The following OR6N1 variants were observed in gnomAD, a reference collection of about 807,000 sequenced individuals.
The protein encoded by OR6N1 is olfactory receptor family 6 subfamily N member 1.
For synonymous variants in OR6N1, 170 were observed against 150.7 expected (o/e 1.13, Z -0.94); for missense variants, 394 against 371.7 (o/e 1.06, Z -0.49).
the OR6N1 span, among the ~76,000 whole-genome samples, chr1:158,836,457 G>T: frequency 1.3e-5 from 2 of 151,922 alleles, no homozygotes; most frequent in South Asian, 2.1e-4. Context: ...AAATTTGCAG[G>T]TTGTATGTTT....
chr1:158,824,194 C>G, the OR6N1 span, among the ~76,000 whole-genome samples: 1 of 152,018 alleles, frequency 6.6e-6, no homozygotes, highest in Admixed American at 6.6e-5. Context: ...CCGTGCTGTT[C>G]TCATGATAAT....
chr1:158,767,213 C>T (rs534925900), intron 1 of OR6N1, among the ~76,000 whole-genome samples: 159 of 152,268 alleles, frequency 1.0e-3, no homozygotes, highest in African/African-American at 3.6e-3. Context: ...TCTGCTCCCT[C>T]CTATTCCTTT....
the OR6N1 span, among the ~76,000 whole-genome samples, chr1:158,789,214 G>C: frequency 2.0e-5 from 3 of 152,092 alleles, no homozygotes; most frequent in Admixed American, 2.0e-4. Flanking sequence ...CTCATTGTGT[G>C]TATATGCCAC....
At chr1:158,818,318 T>C in the OR6N1 span, among the ~76,000 whole-genome samples, 1 of 152,200 alleles carries the variant, frequency 6.6e-6, no homozygotes, top group Non-Finnish European at 1.5e-5. Flanking sequence ...GGTATTCTAC[T>C]AACGTTGGCA....
chr1:158,770,325 C>T (rs576438419), intron 1 of OR6N1, among the ~76,000 whole-genome samples: 191 of 152,218 alleles, frequency 1.3e-3, no homozygotes, highest in African/African-American at 4.2e-3. Flanking sequence ...CATCAGGATC[C>T]GATCAAGTAT....
the OR6N1 span, among the ~76,000 whole-genome samples, chr1:158,798,177 T>A: frequency 1.3e-5 from 2 of 151,866 alleles, no homozygotes; most frequent in Non-Finnish European, 2.9e-5. Context: ...GTCAGGAGTT[T>A]ATTTTTATTT....
chr1:158,818,933 C>T, the OR6N1 span, among the ~76,000 whole-genome samples: 1 of 152,116 alleles, frequency 6.6e-6, no homozygotes, highest in South Asian at 2.1e-4. Context: ...AATCCTCCCA[C>T]AAAACTTTTC....
At chr1:158,777,714 C>T in the OR6N1 span, 1 of 864,868 alleles carries the variant, frequency 1.2e-6, no homozygotes, top group Admixed American at 2.6e-5. Flanking sequence ...CTTCATTTCT[C>T]TCTCTCTCTT....
chr1:158,828,676 G>A, the OR6N1 span, among the ~76,000 whole-genome samples: 1 of 152,130 alleles, frequency 6.6e-6, no homozygotes, highest in Non-Finnish European at 1.5e-5. Flanking sequence ...CCATTGTGGG[G>A]TCTGGAGGAT....
At chr1:158,827,111 A>G in the OR6N1 span, among the ~76,000 whole-genome samples, 1 of 152,194 alleles carries the variant, frequency 6.6e-6, no homozygotes, top group Admixed American at 6.5e-5. Context: ...AATTTACAAG[A>G]AGATTTTTTG....
At chr1:158,819,456 T>G in the OR6N1 span, among the ~76,000 whole-genome samples, 3 of 152,186 alleles carry the variant, frequency 2.0e-5, no homozygotes, top group African/African-American at 7.2e-5. Context: ...TCCTTGACCT[T>G]CATACATTTT....
the OR6N1 span, among the ~76,000 whole-genome samples, chr1:158,822,888 T>C: frequency 6.6e-6 from 1 of 152,218 alleles, no homozygotes; most frequent in African/African-American, 2.4e-5. Context: ...GTTCCTTCAA[T>C]GCCTAGTTTG....
In OR6N1 at chr1:158,766,566, C is replaced by G; in HGVS notation, c.117G>C (p.Val39=). The part of the protein sequence containing the change: ...LLLLLIYLMT[V]LGNLLIFLVV... ...CCAGGAATATCAGCAGGTTTCCCAA[C>G]ACAGTCATGAGGTAAATGAGAAGCA... The change falls in exon 2 of 2, where the codon GTG becomes GTC. Residue 39 remains valine (V), a synonymous_variant. Coordinates refer to ENST00000641846, the MANE Select transcript of OR6N1 (RefSeq NM_001005185.2). The G allele has an allele frequency of 6.2e-7, 1 of 1,614,006 alleles. No individual in the cohort carries two copies. Among genetic ancestry groups the G allele is most frequent in the Non-Finnish European group, 8.5e-7 (1 of 1,180,020 alleles).
At chr1:158,824,894 G>A in the OR6N1 span, among the ~76,000 whole-genome samples, 1 of 152,074 alleles carries the variant, frequency 6.6e-6, no homozygotes, top group South Asian at 2.1e-4. Context: ...TACCATTTTG[G>A]ACATAGGACC....
chr1:158,781,381 A>G, the OR6N1 span, among the ~76,000 whole-genome samples: 1 of 152,228 alleles, frequency 6.6e-6, no homozygotes, highest in African/African-American at 2.4e-5. Flanking sequence ...GGCTCAGGGC[A>G]GACTCCTGGG....
chr1:158,786,237 G>T, the OR6N1 span, among the ~76,000 whole-genome samples: 1 of 152,094 alleles, frequency 6.6e-6, no homozygotes, highest in Admixed American at 6.6e-5. Flanking sequence ...ACAAATATAT[G>T]AAAACAATGC....
the OR6N1 span, among the ~76,000 whole-genome samples, chr1:158,827,130 G>A: frequency 6.6e-6 from 1 of 152,178 alleles, no homozygotes. Flanking sequence ...TGTTTGGGGA[G>A]AGAAGAGGGA....
chr1:158,782,103 G>A, the OR6N1 span, among the ~76,000 whole-genome samples: 334 of 152,272 alleles, frequency 2.2e-3, no homozygotes, highest in Non-Finnish European at 3.8e-3. Context: ...AGTGTCACCT[G>A]TTTTAAAGTC....
the OR6N1 span, among the ~76,000 whole-genome samples, chr1:158,816,980 G>C: frequency 6.6e-6 from 1 of 152,138 alleles, no homozygotes; most frequent in Non-Finnish European, 1.5e-5. Flanking sequence ...AGTGAATCTA[G>C]GGTTGAATTT....
Sources: gnomAD v4.1 joint callset for allele counts (sites outside exome capture counted in the v4.1 genomes callset) on GRCh38, gnomAD v4.1.1 for gene constraint, MANE v1.5 for transcripts, NCBI Gene and HGNC (gene_info 2026-07-23, HGNC 2026-07-21) for gene names.